FRMD6: variants seen among roughly 807,000 people sequenced by gnomAD.
FRMD6 encodes FERM domain containing 6.
In FRMD6, 37 loss-of-function variants were observed where a neutral mutation model predicts 73.2. The ratio of observed to expected loss-of-function variants is 0.51; its 90% confidence interval spans 0.39 to 0.66. The LOEUF is 0.66. Among genes scored for constraint, FRMD6 ranks in the 30% least tolerant of loss-of-function variants. The pLI is 0.00. For synonymous variants in FRMD6, 273 were observed against 282.2 expected (o/e 0.97, Z 0.33); for missense variants, 714 against 780.5 (o/e 0.91, Z 1.02).
intron 2 of FRMD6, among the ~76,000 whole-genome samples, chr14:51,694,942 A>C (rs1785424458): frequency 6.6e-6 from 1 of 152,020 alleles, no homozygotes; most frequent in South Asian, 2.1e-4. Context: ...TTTTTGAATA[A>C]GAGCACTGCT....
chr14:51,411,297 T>C, the FRMD6 span, among the ~76,000 whole-genome samples: 1 of 152,106 alleles, frequency 6.6e-6, no homozygotes, highest in Non-Finnish European at 1.5e-5. Context: ...CATGTAACAA[T>C]GCAAGACTGG....
chr14:51,469,470 G>A, the FRMD6 span, among the ~76,000 whole-genome samples: 1 of 150,756 alleles, frequency 6.6e-6, no homozygotes, highest in African/African-American at 2.4e-5. Context: ...AAACTTAGCC[G>A]AGCGTGGTGG....
the FRMD6 span, among the ~76,000 whole-genome samples, chr14:51,423,972 A>T: frequency 6.6e-6 from 1 of 152,246 alleles, no homozygotes; most frequent in Non-Finnish European, 1.5e-5. Context: ...GAACTTGTGT[A>T]TGTGAAATAA....
intron 2 of FRMD6, chr14:51,578,861 A>C (rs1888549015): frequency 6.6e-6 from 1 of 152,226 alleles, no homozygotes; most frequent in African/African-American, 2.4e-5. Context: ...TGCATGGGGA[A>C]TAGTACGAGT....
chr14:51,582,170 G>A (rs887885306), intron 2 of FRMD6, among the ~76,000 whole-genome samples: 5 of 152,168 alleles, frequency 3.3e-5, no homozygotes, highest in African/African-American at 9.7e-5. Context: ...ATACTCCCTA[G>A]TGTTCTACAG....
At chr14:51,436,340 T>A in the FRMD6 span, 4 of 393,224 alleles carry the variant, frequency 1.0e-5, no homozygotes, top group Non-Finnish European at 2.0e-5. Context: ...TTGTTAACCA[T>A]CCAAAAGTGT....
At chr14:51,531,313 T>G (rs79311094) in intron 1 of FRMD6, among the ~76,000 whole-genome samples, 2,992 of 152,308 alleles carry the variant, frequency 0.02, 71 homozygotes, top group East Asian at 0.067. Flanking sequence ...GAAATATTCT[T>G]GCATAAAATG....
chr14:51,474,027 T>TTA, the FRMD6 span, among the ~76,000 whole-genome samples: 1 of 152,184 alleles, frequency 6.6e-6, no homozygotes, highest in African/African-American at 2.4e-5. Flanking sequence ...AATCTATTTG[T>TTA]TACAGATGAG....
chr14:51,512,164 T>A (rs1006640069), intron 1 of FRMD6, among the ~76,000 whole-genome samples: 6 of 152,194 alleles, frequency 3.9e-5, no homozygotes. Flanking sequence ...AACTTCTTTA[T>A]CTTTAAAGGG....
At chr14:51,518,028 G>A (rs1884731740) in intron 1 of FRMD6, among the ~76,000 whole-genome samples, 1 of 152,046 alleles carries the variant, frequency 6.6e-6, no homozygotes, top group African/African-American at 2.4e-5. Context: ...AGGAAATTTT[G>A]TCTAAGAGAA....
At chr14:51,642,734 G>A (rs577239989) in intron 2 of FRMD6, among the ~76,000 whole-genome samples, 1 of 152,260 alleles carries the variant, frequency 6.6e-6, no homozygotes, top group East Asian at 1.9e-4. Flanking sequence ...CCTAGGGCAT[G>A]GTGAGATGTT....
intron 1 of FRMD6, among the ~76,000 whole-genome samples, chr14:51,511,078 T>C (rs1440698060): frequency 6.6e-6 from 1 of 152,044 alleles, no homozygotes; most frequent in Non-Finnish European, 1.5e-5. Flanking sequence ...CCCAAGTCTC[T>C]CTAAGTAGTC....
intron 1 of FRMD6, among the ~76,000 whole-genome samples, chr14:51,552,757 A>G (rs1018114160): frequency 6.6e-6 from 1 of 152,244 alleles, no homozygotes; most frequent in Non-Finnish European, 1.5e-5. Flanking sequence ...AATCCACCTG[A>G]GAACAATGAG....
intron 1 of FRMD6, among the ~76,000 whole-genome samples, chr14:51,536,965 C>T (rs928359511): frequency 6.6e-6 from 1 of 152,126 alleles, no homozygotes; most frequent in Non-Finnish European, 1.5e-5. Context: ...ACAGTCTCCC[C>T]AACTATCAAC....
chr14:51,544,342 G>T (rs1886351243), intron 1 of FRMD6, among the ~76,000 whole-genome samples: 1 of 151,776 alleles, frequency 6.6e-6, no homozygotes, highest in African/African-American at 2.4e-5. Flanking sequence ...AATACCTTTG[G>T]TAAGGGATGC....
At chr14:51,576,720 T>C (rs557714782) in intron 2 of FRMD6, among the ~76,000 whole-genome samples, 1 of 152,298 alleles carries the variant, frequency 6.6e-6, no homozygotes, top group South Asian at 2.1e-4. Context: ...TGCCTCATAG[T>C]ACTTAGGAGA....
At chr14:51,402,740 G>A in the FRMD6 span, among the ~76,000 whole-genome samples, 2 of 151,052 alleles carry the variant, frequency 1.3e-5, no homozygotes, top group Non-Finnish European at 2.9e-5. Flanking sequence ...CCGGGTTCAC[G>A]CCATTCTCCT....
the FRMD6 span, among the ~76,000 whole-genome samples, chr14:51,400,799 A>G: frequency 2.6e-5 from 4 of 152,242 alleles, no homozygotes; most frequent in Non-Finnish European, 5.9e-5. Context: ...AAAGTTTATT[A>G]TGTAAAGAAT....
intron 1 of FRMD6, among the ~76,000 whole-genome samples, chr14:51,496,972 C>G (rs1883330084): frequency 6.6e-6 from 1 of 152,154 alleles, no homozygotes; most frequent in Admixed American, 6.5e-5. Context: ...GCCCCCTGTT[C>G]ATTTCCTCTA....
Sources: gnomAD v4.1 joint callset for allele counts (sites outside exome capture counted in the v4.1 genomes callset) on GRCh38, gnomAD v4.1.1 for gene constraint, MANE v1.5 for transcripts, NCBI Gene and HGNC (gene_info 2026-07-23, HGNC 2026-07-21) for gene names.